The following POMT1 variants were observed in gnomAD, a reference collection of about 807,000 sequenced individuals.
POMT1 encodes the protein protein O-mannosyltransferase 1, also known as protein O-mannosyl-transferase 1.
POMT1 carries 85 observed loss-of-function variants against 101.6 expected under a neutral mutation model. That is an observed-to-expected ratio of 0.84 (90% CI 0.70 to 1.00). The LOEUF (loss-of-function observed/expected upper bound fraction) is 1.00. Ranked by LOEUF, POMT1 falls within the 50% of genes least tolerant of loss-of-function variation. The pLI, the probability that POMT1 is intolerant of heterozygous loss-of-function variation, is 0.00. For synonymous variants in POMT1, 371 were observed against 383.0 expected, an observed-to-expected ratio of 0.97 and a Z score of 0.37; for missense variants, 857 against 930.4, an observed-to-expected ratio of 0.92 and a Z score of 1.03.
At chr9:131,513,196 G>A (rs766704009) in intron 11 of POMT1, 43 bp from the exon 12 acceptor site, 11 of 1,551,624 alleles carry the variant, frequency 7.1e-6, no homozygotes, top group South Asian at 6.7e-5. Context: ...TTAGTTCGAG[G>A]GGACCAGGCT....
chr9:131,520,050 T>C (rs1949604291), intron 16 of POMT1, 30 bp from the exon 17 acceptor site: 1 of 1,584,314 alleles, frequency 6.3e-7, no homozygotes. Flanking sequence ...TCCCCCATCC[T>C]CAATCTCAGA....
At chr9:131,515,370 A>G in intron 12 of POMT1, 56 bp from the exon 13 acceptor site, 1 of 1,543,386 alleles carries the variant, frequency 6.5e-7, no homozygotes, top group South Asian at 1.1e-5. Context: ...AGATTTAGTA[A>G]TTGCCTTCCA....
At chr9:131,516,247 AC>A (rs1284829947) in intron 13 of POMT1, among the ~76,000 whole-genome samples, 1 of 149,518 alleles carries the variant, frequency 6.7e-6, no homozygotes, top group East Asian at 2.0e-4. Flanking sequence ...CACACGGAAC[AC>A]TTCCTCACAC....
intron 11 of POMT1, 65 bp from the exon 12 acceptor site, chr9:131,513,174 C>G: frequency 1.5e-6 from 2 of 1,372,332 alleles, no homozygotes; most frequent in Non-Finnish European, 2.1e-6. Flanking sequence ...CTGTGCCCCT[C>G]CGGTGCAGCT....
Position 131,519,585 on chromosome 9 carries a change from T to C in POMT1, c.1584+99T>C, listed in dbSNP as rs1038596784. 16 of 1,163,914 alleles carry C rather than the reference T, an allele frequency of 1.4e-5. No individual in the cohort carries two copies. The highest frequency in any genetic ancestry group is 1.9e-5 in the Non-Finnish European group (15 of 808,220). The allele number at this position is 1,163,914 out of a possible 1,614,324, so 72.1% of individuals were successfully genotyped here. A position where few individuals can be genotyped will look rare whatever the true frequency, so the allele number is the denominator to read the frequency against. On this transcript the variant is annotated intron_variant, in intron 16 of 19. Coordinates refer to ENST00000402686, the MANE Select transcript of POMT1 (RefSeq NM_001077365.2). This position sits in a 1 kb window ranked among gnomAD's most constrained non-coding sequence, Gnocchi z 4.3. ...ACAGGACTCAAACCAGAGTCAGGCT[T>C]TGACGCTGGAGCTACAGGCTCACAA...
rs144215910 is a variant in POMT1 at position 131,508,517 on chromosome 9, A to G, written c.428-394A>G. Among the ~76,000 whole-genome samples, 5 of 152,020 alleles carry G rather than the reference A, an allele frequency of 3.3e-5. No homozygotes were observed. The East Asian group carries it at 5.8e-4, about 18-fold the overall frequency. On this transcript the variant is annotated intron_variant, in intron 5 of 19. Coordinates refer to ENST00000402686, the MANE Select transcript of POMT1 (RefSeq NM_001077365.2). ...CTGCACTCCAGCCTGGTGACAGAAC[A>G]AGACTCTGTCTCAAAAAAATAAATA... is the stretch of plus-strand genomic sequence containing the variant.
At chr9:131,511,581 G>A in intron 10 of POMT1, 114 bp downstream of exon 10, 1 of 1,440,796 alleles carries the variant, frequency 6.9e-7, no homozygotes, top group Non-Finnish European at 9.6e-7. Flanking sequence ...ACAGAAAGAA[G>A]TTGAGCAGCC....
chr9:131,517,235 C>CTT (rs34281101), intron 13 of POMT1, among the ~76,000 whole-genome samples: 329 of 144,316 alleles, frequency 2.3e-3, no homozygotes, highest in Admixed American at 4.3e-3. Flanking sequence ...TGCTGATGTT[C>CTT]TTTTTTTTTT....
chr9:131,511,891 A>T, intron 10 of POMT1, 150 bp from the exon 11 acceptor site: 2 of 769,644 alleles, frequency 2.6e-6, no homozygotes, highest in Non-Finnish European at 4.4e-6. Flanking sequence ...TTTTCTCATA[A>T]ATAGACACAG....
Position 131,523,166 on chromosome 9 carries a change from T to C in POMT1, c.*60T>C. 6.4e-7 allele frequency: 1 copy of C among 1,574,698 alleles called. No individual in the cohort carries two copies. Among genetic ancestry groups the C allele is most frequent in the Non-Finnish European group, 8.6e-7 (1 of 1,161,198 alleles). ...TCGGGATGAGGTTGAAGGGTCTTGG[T>C]CAATGTACGTAATGAGCAGGGTGGG... On this transcript the variant is annotated 3_prime_UTR_variant, in exon 20 of 20. Transcript: ENST00000402686.
intron 5 of POMT1, among the ~76,000 whole-genome samples, chr9:131,508,537 T>A (rs1044009244): frequency 2.0e-5 from 3 of 150,480 alleles, no homozygotes; most frequent in Middle Eastern, 3.6e-3. Flanking sequence ...CTCAAAAAAA[T>A]AAATAAATAA....
intron 3 of POMT1, 36 bp downstream of exon 3, chr9:131,506,256 G>A: frequency 1.2e-6 from 2 of 1,600,354 alleles, no homozygotes; most frequent in Non-Finnish European, 1.7e-6. Flanking sequence ...CTACCCTTCA[G>A]GACCTCAAAT....
At chr9:131,510,757 C>T (rs1366355178) in intron 9 of POMT1, 7 of 369,806 alleles carry the variant, frequency 1.9e-5, no homozygotes, top group Non-Finnish European at 3.6e-5. Flanking sequence ...CCGCCTGCCT[C>T]GGCCTCTCAA....
rs1202759814 is a variant in POMT1 at position 131,512,279 on chromosome 9, C to T, written c.1082+143C>T. ...CATGGCCTTGAACACCAGCTCAGTG[C>T]TGAGTCCAAGGTCAGAGGAATAGAT... On this transcript the variant is annotated intron_variant, in intron 11 of 19. Transcript: ENST00000402686. 4.1e-6 allele frequency: 6 copies of T among 1,453,918 alleles called. No individual in the cohort carries two copies. The East Asian group carries it at 1.5e-4, about 36-fold the overall frequency. 90.1% of individuals were successfully genotyped at this position (1,453,918 alleles called of 1,614,324 possible).
intron 9 of POMT1, chr9:131,510,906 C>T: frequency 3.2e-6 from 1 of 308,010 alleles, no homozygotes; most frequent in Non-Finnish European, 6.2e-6. Context: ...AACCTCGCAG[C>T]AGTGGTAGAA....
intron 9 of POMT1, chr9:131,511,105 G>A (rs983687890): frequency 3.3e-5 from 17 of 515,450 alleles, no homozygotes; most frequent in Middle Eastern, 5.1e-4. Flanking sequence ...TAGGGTGCGC[G>A]TGGAAGGCTG....
intron 13 of POMT1, among the ~76,000 whole-genome samples, chr9:131,517,134 C>A (rs927404448): frequency 6.6e-6 from 1 of 152,226 alleles, no homozygotes; most frequent in African/African-American, 2.4e-5. Flanking sequence ...CTGGCTTCAG[C>A]GCTTTCTGCC....
At chr9:131,507,257 G>C in intron 4 of POMT1, 111 bp from the exon 5 acceptor site, 1 of 1,541,370 alleles carries the variant, frequency 6.5e-7, no homozygotes, top group Non-Finnish European at 8.9e-7. Flanking sequence ...TTTTGTAAAC[G>C]TGCATTTTAG....
chr9:131,506,242 G>A (rs1945787988), intron 3 of POMT1, 22 bp downstream of exon 3: 15 of 1,608,006 alleles, frequency 9.3e-6, no homozygotes, highest in Non-Finnish European at 1.2e-5. Flanking sequence ...CAGGAGAGTA[G>A]CCCCTACCCT....
Sources: gnomAD v4.1 joint callset for allele counts (sites outside exome capture counted in the v4.1 genomes callset) on GRCh38, gnomAD v4.1.1 for gene constraint, Gnocchi (gnomAD v3.1) non-coding constraint, MANE v1.5 for transcripts, NCBI Gene and HGNC (gene_info 2026-07-23, HGNC 2026-07-21) for gene names.